The following FHIT variants were observed in gnomAD, a reference collection of about 807,000 sequenced individuals.
FHIT encodes fragile histidine triad diadenosine triphosphatase, also known as bis(5'-adenosyl)-triphosphatase.
Under a neutral mutation model 17.9 loss-of-function variants are expected in FHIT, and 19 were observed. That is an observed-to-expected ratio of 1.06 (90% CI 0.74 to 1.56). FHIT has a LOEUF of 1.56. FHIT is among the 40% of genes most tolerant of loss of function. The pLI is 0.00. For synonymous variants in FHIT, 81 were observed against 69.7 expected (o/e 1.16, Z -0.81); for missense variants, 248 against 189.2 (o/e 1.31, Z -1.82).
At chr3:60,883,338 T>C (rs1553758432) in intron 3 of FHIT, among the ~76,000 whole-genome samples, 3 of 152,104 alleles carry the variant, frequency 2.0e-5, no homozygotes, top group African/African-American at 7.2e-5. Context: ...AAAATACCAA[T>C]ATCATTCTTC....
chr3:60,128,354 T>G (rs1705652485), intron 5 of FHIT, among the ~76,000 whole-genome samples: 1 of 152,194 alleles, frequency 6.6e-6, no homozygotes, highest in Non-Finnish European at 1.5e-5. Flanking sequence ...GACCTTTCAC[T>G]TGGCTCTCAT....
At chr3:60,001,867 A>G (rs1162335845) in intron 7 of FHIT, among the ~76,000 whole-genome samples, 1 of 152,142 alleles carries the variant, frequency 6.6e-6, no homozygotes, top group African/African-American at 2.4e-5. Context: ...AATTTATACC[A>G]TTTACAACCA....
chr3:59,793,950 T>C (rs562516), intron 8 of FHIT, among the ~76,000 whole-genome samples: 112,361 of 151,942 alleles, frequency 0.74, 41,876 homozygotes, highest in Middle Eastern at 0.84. Context: ...AAAGGTACAG[T>C]ATTTCACACA....
chr3:59,925,212 T>C (rs1705597672), intron 7 of FHIT, among the ~76,000 whole-genome samples: 1 of 152,046 alleles, frequency 6.6e-6, no homozygotes, highest in African/African-American at 2.4e-5. Flanking sequence ...CAAGAGATCC[T>C]CCTGCCTCAG....
chr3:60,748,498 C>T (rs187810258), intron 4 of FHIT, among the ~76,000 whole-genome samples: 4 of 152,142 alleles, frequency 2.6e-5, no homozygotes, highest in Admixed American at 2.6e-4. Flanking sequence ...ATAACCTGTA[C>T]ACATCCTCCC....
chr3:60,115,020 CTCA>C (rs1212211059), intron 5 of FHIT, among the ~76,000 whole-genome samples: 2 of 152,064 alleles, frequency 1.3e-5, no homozygotes, highest in Non-Finnish European at 2.9e-5. Flanking sequence ...GTTTTCTCAT[CTCA>C]TGTCAAATAT....
intron 7 of FHIT, among the ~76,000 whole-genome samples, chr3:59,949,824 A>G (rs1362162438): frequency 1.3e-5 from 2 of 152,222 alleles, no homozygotes; most frequent in Non-Finnish European, 2.9e-5. Context: ...TTCTAGCCTT[A>G]TATTTAATTA....
chr3:61,250,688 C>A (rs2040600805), intron 1 of FHIT, among the ~76,000 whole-genome samples: 1 of 151,888 alleles, frequency 6.6e-6, no homozygotes. Flanking sequence ...TTAAAATTCC[C>A]CCCTTTGACG....
intron 2 of FHIT, among the ~76,000 whole-genome samples, chr3:61,150,352 G>A (rs1296774748): frequency 6.6e-6 from 1 of 151,990 alleles, no homozygotes; most frequent in Non-Finnish European, 1.5e-5. Context: ...TTTAAGAGAT[G>A]GAGTCTCCCT....
chr3:60,611,726 C>CTGTG (rs1199380938), intron 4 of FHIT, among the ~76,000 whole-genome samples: 1 of 152,176 alleles, frequency 6.6e-6, no homozygotes, highest in Non-Finnish European at 1.5e-5. Flanking sequence ...CACTGAACTA[C>CTGTG]TGTAACCCAA....
intron 3 of FHIT, among the ~76,000 whole-genome samples, chr3:60,918,670 G>A (rs1391354421): frequency 6.6e-6 from 1 of 152,188 alleles, no homozygotes; most frequent in Admixed American, 6.5e-5. Flanking sequence ...AGCAGGGGCA[G>A]ACACATAGAT....
At chr3:60,823,777 A>G (rs1702017955) in intron 3 of FHIT, among the ~76,000 whole-genome samples, 2 of 152,154 alleles carry the variant, frequency 1.3e-5, no homozygotes, top group East Asian at 3.9e-4. Context: ...AGATTGTTGC[A>G]TTTTTGAGCA....
rs59581829 is a variant in FHIT, at chr3:60,096,696, T to G, written c.104-82544A>C. Among the ~76,000 whole-genome samples the G allele has an allele frequency of 2.5e-3, 388 of 152,310 alleles. 2 individuals carry two copies. The highest frequency in any genetic ancestry group is 9.1e-3 in the African/African-American group (379 of 41,580). On this transcript the variant is annotated intron_variant, in intron 5 of 9. Coordinates refer to ENST00000492590, the MANE Select transcript of FHIT (RefSeq NM_002012.4). ...AGATTTCTGTTTTGTTCTGTGTGTT[T>G]CCTTTCCTTCTCCCCAGTTCAAGCT...
intron 3 of FHIT, among the ~76,000 whole-genome samples, chr3:60,953,616 G>T (rs1289112983): frequency 6.6e-6 from 1 of 152,094 alleles, no homozygotes; most frequent in Non-Finnish European, 1.5e-5. Flanking sequence ...AGCTCCTGTT[G>T]TGCCAATTGA....
At chr3:59,863,075 G>C (rs560691147) in intron 8 of FHIT, among the ~76,000 whole-genome samples, 1 of 152,166 alleles carries the variant, frequency 6.6e-6, no homozygotes, top group Non-Finnish European at 1.5e-5. Flanking sequence ...AGTCCTATCC[G>C]AGGAATAGTC....
At chr3:60,719,426 T>C (rs1553707532) in intron 4 of FHIT, among the ~76,000 whole-genome samples, 2 of 152,226 alleles carry the variant, frequency 1.3e-5, no homozygotes, top group African/African-American at 4.8e-5. Context: ...TGCAAATTTC[T>C]TAGCCTGCTG....
intron 4 of FHIT, among the ~76,000 whole-genome samples, chr3:60,642,101 T>C (rs2039739728): frequency 6.6e-6 from 1 of 151,486 alleles, no homozygotes; most frequent in African/African-American, 2.4e-5. Context: ...ACATCCCCCA[T>C]CTCTCTCTCT....
intron 3 of FHIT, among the ~76,000 whole-genome samples, chr3:60,841,259 T>C (rs1007093418): frequency 7.9e-5 from 12 of 152,238 alleles, no homozygotes; most frequent in African/African-American, 2.9e-4. Flanking sequence ...AATAAATTCC[T>C]GTTGAAAAGT....
chr3:60,283,181 C>G (rs533406551), intron 5 of FHIT, among the ~76,000 whole-genome samples: 3 of 151,990 alleles, frequency 2.0e-5, no homozygotes, highest in Non-Finnish European at 4.4e-5. Flanking sequence ...ATTCCTTTCA[C>G]TGGAAATCTG....
Sources: allele counts gnomAD v4.1 joint callset (sites outside exome capture counted in the v4.1 genomes callset), GRCh38; gene constraint gnomAD v4.1.1; transcripts MANE v1.5; gene names NCBI Gene and HGNC (gene_info 2026-07-23, HGNC 2026-07-21).